The following IL7 variants were observed in gnomAD, a reference collection of about 807,000 sequenced individuals.
IL7 encodes interleukin-7.
IL7 carries 3 observed loss-of-function variants against 21.6 expected under a neutral mutation model. That is an observed-to-expected ratio of 0.14 (90% CI 0.06 to 0.36). IL7 has a LOEUF of 0.36. Ranked by LOEUF, IL7 falls within the 10% of genes least tolerant of loss-of-function variation. The pLI is 1.00. For synonymous variants in IL7, 62 were observed against 68.1 expected (o/e 0.91, Z 0.44); for missense variants, 175 against 200.2 (o/e 0.87, Z 0.76).
At chr8:78,742,340 TA>T (rs1263939401) in intron 2 of IL7, among the ~76,000 whole-genome samples, 1 of 151,578 alleles carries the variant, frequency 6.6e-6, no homozygotes, top group Non-Finnish European at 1.5e-5. Context: ...AAATAAAAAA[TA>T]AAAAGAAACA....
At chr8:78,738,395 A>G in intron 4 of IL7, 109 bp downstream of exon 4, 1 of 935,506 alleles carries the variant, frequency 1.1e-6, no homozygotes, top group Admixed American at 2.6e-5. Context: ...TTTAGATGAT[A>G]ATAAACACTT....
intron 2 of IL7, among the ~76,000 whole-genome samples, chr8:78,774,734 G>C (rs1411746271): frequency 6.6e-6 from 1 of 151,878 alleles, no homozygotes; most frequent in Non-Finnish European, 1.5e-5. Context: ...GAGAACATTA[G>C]GACATAAAGA....
At chr8:78,697,340 G>T in intron 3 of IL7, 1 of 1,286,546 alleles carries the variant, frequency 7.8e-7, no homozygotes, top group South Asian at 1.5e-5. Flanking sequence ...GTTAAGTTTT[G>T]AACCACTACT....
At chr8:78,781,398 G>A (rs1188460567) in intron 2 of IL7, among the ~76,000 whole-genome samples, 1 of 152,112 alleles carries the variant, frequency 6.6e-6, no homozygotes, top group African/African-American at 2.4e-5. Context: ...AGTAACTCTT[G>A]CATGGCAGGC....
chr8:78,726,441 G>A (rs1280029720), intron 3 of IL7, among the ~76,000 whole-genome samples: 1 of 151,944 alleles, frequency 6.6e-6, no homozygotes, highest in Non-Finnish European at 1.5e-5. Context: ...GCCAGATTAT[G>A]TATGCTTTAG....
chr8:78,761,075 A>G lies in IL7; in HGVS notation c.148-20993T>C, dbSNP rs1812538655. The G allele has an allele frequency of 3.7e-6, 6 of 1,610,180 alleles. No homozygotes were observed. In the South Asian group the frequency reaches 6.7e-5, roughly 18 times the overall value. ...CCATCTAATATTTGTGTCACTATTT[A>G]TACCATCTAAACATAAAACAAGTGC... On this transcript the variant is annotated intron_variant, in intron 2 of 5. Transcript: ENST00000263851.
At chr8:78,798,935 A>G (rs986780375) in intron 1 of IL7, among the ~76,000 whole-genome samples, 2 of 152,018 alleles carry the variant, frequency 1.3e-5, no homozygotes, top group Non-Finnish European at 2.9e-5. Flanking sequence ...ATAGAAACCA[A>G]TGATTTCTAT....
At chr8:78,787,984 G>A (rs1333076526) in intron 2 of IL7, among the ~76,000 whole-genome samples, 1 of 152,122 alleles carries the variant, frequency 6.6e-6, no homozygotes, top group African/African-American at 2.4e-5. Context: ...CCTAGATTTT[G>A]GTGGCTGCTG....
chr8:78,762,497 G>C, intron 2 of IL7: 2 of 1,299,448 alleles, frequency 1.5e-6, no homozygotes, highest in Non-Finnish European at 2.0e-6. Flanking sequence ...CCGCCCGCCC[G>C]TCGGGGCCGG....
intron 3 of IL7, among the ~76,000 whole-genome samples, chr8:78,739,664 C>G (rs939060272): frequency 9.4e-5 from 14 of 149,408 alleles, no homozygotes; most frequent in Non-Finnish European, 1.8e-4. Flanking sequence ...TACACTCCAG[C>G]CTGGTGACAG....
chr8:78,746,548 C>T (rs1430888804), intron 2 of IL7, among the ~76,000 whole-genome samples: 1 of 152,170 alleles, frequency 6.6e-6, no homozygotes, highest in African/African-American at 2.4e-5. Context: ...CAGTTGCTTG[C>T]AGTGAGTCAC....
At chr8:78,804,863 C>A in intron 1 of IL7, 50 bp downstream of exon 1, 1 of 1,610,826 alleles carries the variant, frequency 6.2e-7, no homozygotes, top group East Asian at 2.2e-5. Context: ...CTGGGATTGC[C>A]CCGGCGCGTC....
intron 3 of IL7, among the ~76,000 whole-genome samples, chr8:78,688,231 A>G (rs137964283): frequency 0.02 from 3,001 of 152,022 alleles, 96 homozygotes; most frequent in African/African-American, 0.068. Flanking sequence ...AGATATTTAG[A>G]TATTGTGTCT....
chr8:78,750,001 C>CTCCA (rs1177345137), intron 2 of IL7, among the ~76,000 whole-genome samples: 1 of 152,020 alleles, frequency 6.6e-6, no homozygotes, highest in Non-Finnish European at 1.5e-5. Context: ...TATCACTGCA[C>CTCCA]TCCAGCCTGG....
chr8:78,698,614 A>G, intron 3 of IL7: 3 of 889,998 alleles, frequency 3.4e-6, no homozygotes, highest in South Asian at 5.1e-5. Context: ...TTCATTTCCT[A>G]AGTTCATTTG....
chr8:78,717,503 C>A (rs551023842), downstream of IL7: 5,606 of 1,256,172 alleles, frequency 4.5e-3, no homozygotes, highest in South Asian at 0.018. Flanking sequence ...AATAGAATCT[C>A]AAAAAAAAAA....
intron 2 of IL7, among the ~76,000 whole-genome samples, chr8:78,758,616 C>G (rs1812435001): frequency 6.6e-6 from 1 of 152,006 alleles, no homozygotes. Flanking sequence ...GGATAGCTTT[C>G]CTGGGCATAG....
chr8:78,781,718 G>A (rs532212490), intron 2 of IL7, among the ~76,000 whole-genome samples: 21 of 152,148 alleles, frequency 1.4e-4, no homozygotes, highest in African/African-American at 4.3e-4. Context: ...TTCTCATGGC[G>A]TATCTTACTG....
intron 3 of IL7, chr8:78,698,328 C>A: frequency 9.0e-7 from 1 of 1,115,438 alleles, no homozygotes; most frequent in Non-Finnish European, 1.3e-6. Context: ...AAGATTATTA[C>A]TAAAGCATTG....
Sources: gnomAD v4.1 joint callset for allele counts (sites outside exome capture counted in the v4.1 genomes callset) on GRCh38, gnomAD v4.1.1 for gene constraint, MANE v1.5 for transcripts, NCBI Gene and HGNC (gene_info 2026-07-23, HGNC 2026-07-21) for gene names.